CCNY: variants seen among roughly 807,000 people sequenced by gnomAD.
The protein encoded by CCNY is cyclin Y, also known as cyclin-Y.
Under a neutral mutation model 42.8 loss-of-function variants are expected in CCNY, and 19 were observed. The ratio of observed to expected loss-of-function variants is 0.44; its 90% CI spans 0.31 to 0.65. The LOEUF is 0.65. Ranked by LOEUF, CCNY falls within the 30% of genes least tolerant of loss-of-function variation. The pLI is 0.07. For missense variants in CCNY, 370 were observed against 437.3 expected (o/e 0.85, Z 1.37); for synonymous variants, 165 against 162.7 (o/e 1.01, Z -0.11).
intron 3 of CCNY, among the ~76,000 whole-genome samples, chr10:35,257,176 G>A (rs991904826): frequency 6.6e-6 from 1 of 151,292 alleles, no homozygotes; most frequent in African/African-American, 2.4e-5. Flanking sequence ...CAGGTCTAGT[G>A]GTAATTCTCT....
At chr10:35,288,732 G>T (rs954264375) in intron 3 of CCNY, among the ~76,000 whole-genome samples, 4 of 152,150 alleles carry the variant, frequency 2.6e-5, no homozygotes. Flanking sequence ...TTGTTAGAAG[G>T]AATATCTTCT....
At chr10:35,524,005 A>G (rs2135416653) in intron 4 of CCNY, among the ~76,000 whole-genome samples, 1 of 152,326 alleles carries the variant, frequency 6.6e-6, no homozygotes, top group African/African-American at 2.4e-5. Context: ...TTCCTTTGAA[A>G]TGTAACATTA....
At chr10:35,555,786 A>G (rs1001655868) in intron 8 of CCNY, among the ~76,000 whole-genome samples, 1 of 152,334 alleles carries the variant, frequency 6.6e-6, no homozygotes. Flanking sequence ...GCCAGTGTTC[A>G]TTCAGCTGAA....
chr10:35,313,059 A>C (rs1440306863), intron 3 of CCNY, among the ~76,000 whole-genome samples: 1 of 152,030 alleles, frequency 6.6e-6, no homozygotes, highest in African/African-American at 2.4e-5. Flanking sequence ...ACTTGCATAC[A>C]ACACCCTAGG....
chr10:35,269,617 C>CTTTTG (rs1554964203), intron 3 of CCNY, among the ~76,000 whole-genome samples: 113 of 130,748 alleles, frequency 8.6e-4, no homozygotes, highest in Middle Eastern at 4.1e-3. Flanking sequence ...GTTCGCCACT[C>CTTTTG]TTTTTTTTTT....
At chr10:35,286,157 T>A (rs1027748010) in intron 3 of CCNY, among the ~76,000 whole-genome samples, 1 of 152,074 alleles carries the variant, frequency 6.6e-6, no homozygotes, top group African/African-American at 2.4e-5. Flanking sequence ...GTTTGTTCCC[T>A]CTGGTTTATG....
intron 3 of CCNY, among the ~76,000 whole-genome samples, chr10:35,253,327 A>G (rs751881132): frequency 1.3e-5 from 2 of 151,314 alleles, no homozygotes; most frequent in African/African-American, 4.9e-5. Context: ...ACAGCTCACT[A>G]TAGCATCCAG....
upstream of CCNY, among the ~76,000 whole-genome samples, chr10:35,334,645 C>T (rs1835988883): frequency 6.6e-6 from 1 of 152,202 alleles, no homozygotes; most frequent in African/African-American, 2.4e-5. Flanking sequence ...TCAGCATTAC[C>T]ACTTTGCAGC....
chr10:35,272,034 T>G (rs1815420056), intron 3 of CCNY, among the ~76,000 whole-genome samples: 1 of 152,206 alleles, frequency 6.6e-6, no homozygotes, highest in Non-Finnish European at 1.5e-5. Flanking sequence ...CGCTCCAGGC[T>G]GGAGTGCAGT....
At chr10:35,451,995 C>G (rs923504522) in intron 1 of CCNY, among the ~76,000 whole-genome samples, 1 of 151,590 alleles carries the variant, frequency 6.6e-6, no homozygotes. Flanking sequence ...TAATATGACA[C>G]TTTTTTTTTA....
chr10:35,365,498 C>G (rs1207645502), intron 1 of CCNY, among the ~76,000 whole-genome samples: 5 of 152,166 alleles, frequency 3.3e-5, no homozygotes, highest in Non-Finnish European at 7.4e-5. Flanking sequence ...GAAGAATAAA[C>G]AGCAAGAGCT....
chr10:35,365,236 A>G (rs1421226080), intron 1 of CCNY, among the ~76,000 whole-genome samples: 2 of 152,234 alleles, frequency 1.3e-5, no homozygotes, highest in African/African-American at 4.8e-5. Context: ...TGAAATTGAA[A>G]GAAAGCAAGA....
intron 2 of CCNY, among the ~76,000 whole-genome samples, chr10:35,499,480 C>T (rs1840067826): frequency 6.6e-6 from 1 of 152,178 alleles, no homozygotes; most frequent in African/African-American, 2.4e-5. Context: ...GGGACACAGC[C>T]AAACCATATC....
intron 1 of CCNY, among the ~76,000 whole-genome samples, chr10:35,406,824 C>T (rs1837785687): frequency 6.6e-6 from 1 of 151,888 alleles, no homozygotes; most frequent in Non-Finnish European, 1.5e-5. Context: ...AGGCGCCCCT[C>T]ACCTCCCGGA....
chr10:35,292,216 T>C (rs1294927495), intron 3 of CCNY, among the ~76,000 whole-genome samples: 2 of 152,186 alleles, frequency 1.3e-5, no homozygotes, highest in African/African-American at 4.8e-5. Context: ...GTCTTTTCAT[T>C]ATTGAGTTAT....
intron 3 of CCNY, among the ~76,000 whole-genome samples, chr10:35,276,529 G>C (rs529682446): frequency 1.3e-5 from 2 of 152,100 alleles, no homozygotes. Context: ...GGGACAACAG[G>C]CGTGCATCAC....
At chr10:35,260,376 G>T (rs2095718675) in intron 3 of CCNY, among the ~76,000 whole-genome samples, 1 of 152,098 alleles carries the variant, frequency 6.6e-6, no homozygotes, top group African/African-American at 2.4e-5. Flanking sequence ...CACCCATCCT[G>T]CCAGGGGCCG....
At chr10:35,458,249 G>C (rs1307742069) in intron 1 of CCNY, among the ~76,000 whole-genome samples, 1 of 152,208 alleles carries the variant, frequency 6.6e-6, no homozygotes. Context: ...AGGCAGCATA[G>C]CTGTAACGTG....
At chr10:35,472,752 A>G (rs1839415597) in intron 1 of CCNY, among the ~76,000 whole-genome samples, 1 of 152,226 alleles carries the variant, frequency 6.6e-6, no homozygotes, top group Admixed American at 6.5e-5. Context: ...CATAGGATGC[A>G]TTTTGAAGTC....
Sources: gnomAD v4.1 joint callset for allele counts (sites outside exome capture counted in the v4.1 genomes callset) on GRCh38, gnomAD v4.1.1 for gene constraint, MANE v1.5 for transcripts, NCBI Gene and HGNC (gene_info 2026-07-23, HGNC 2026-07-21) for gene names.